The following DDR2 variants were observed in gnomAD, a reference collection of about 807,000 sequenced individuals.
DDR2 encodes the protein discoidin domain receptor tyrosine kinase 2.
Under a neutral mutation model 94.9 loss-of-function variants are expected in DDR2, and 27 were observed. The observed-to-expected ratio is 0.28, with a 90% CI of 0.21 to 0.39. DDR2 has a LOEUF of 0.39. Ranked by LOEUF, DDR2 falls within the 10% of genes least tolerant of loss-of-function variation. DDR2 has a pLI of 1.00. For missense variants in DDR2, 783 were observed against 1,076.0 expected, an observed-to-expected ratio of 0.73 and a Z score of 3.81; for synonymous variants, 382 against 377.2, an observed-to-expected ratio of 1.01 and a Z score of -0.15.
chr1:162,644,602 CTTT>C (rs11320844), intron 1 of DDR2, among the ~76,000 whole-genome samples: 13 of 140,474 alleles, frequency 9.3e-5, no homozygotes, highest in Admixed American at 1.4e-4. Context: ...CATTATTTAC[CTTT>C]TTTTTTTTTT....
intron 1 of DDR2, among the ~76,000 whole-genome samples, chr1:162,639,626 C>A (rs1215907146): frequency 1.3e-5 from 2 of 152,196 alleles, no homozygotes; most frequent in Non-Finnish European, 2.9e-5. Flanking sequence ...TGAAAGAAAT[C>A]CCTGATTAGC....
rs79775216 is a variant in DDR2 at position 162,650,023 on chromosome 1, T to C, written c.-191-5188T>C. Among the ~76,000 whole-genome samples the C allele has an allele frequency of 1.9e-3, 284 of 152,294 alleles. 4 individuals carry two copies. In the East Asian group the frequency reaches 0.042, roughly 23 times the overall value. ...GAAGGTAAAGGAAACACAGCTATTCTCCTCTCACCCACCCCATGCAGATGA... is the reference window on the plus strand; with the variant it reads ...GAAGGTAAAGGAAACACAGCTATTCCCCTCTCACCCACCCCATGCAGATGA... On this transcript the variant is annotated intron_variant, in intron 1 of 17. Coordinates refer to ENST00000367921, the MANE Select transcript of DDR2 (RefSeq NM_006182.4).
chr1:162,684,398 C>T (rs542202100), intron 2 of DDR2, among the ~76,000 whole-genome samples: 104 of 152,138 alleles, frequency 6.8e-4, no homozygotes, highest in African/African-American at 2.3e-3. Context: ...ACCATGAGGC[C>T]CTGACTCCGC....
chr1:162,763,205 G>T (rs1663828708), intron 9 of DDR2, among the ~76,000 whole-genome samples: 1 of 148,946 alleles, frequency 6.7e-6, no homozygotes, highest in Admixed American at 6.7e-5. Context: ...TTTTGAGACG[G>T]TATCTTGCTC....
chr1:162,700,157 C>T (rs1223942406), intron 2 of DDR2, among the ~76,000 whole-genome samples: 1 of 152,212 alleles, frequency 6.6e-6, no homozygotes, highest in African/African-American at 2.4e-5. Flanking sequence ...CTATCTCTCA[C>T]CATTTCTTCT....
intron 2 of DDR2, among the ~76,000 whole-genome samples, chr1:162,691,535 A>G (rs1028474544): frequency 6.6e-6 from 1 of 152,224 alleles, no homozygotes; most frequent in African/African-American, 2.4e-5. Context: ...TTCAACAAAC[A>G]TTGATGCAAA....
At chr1:162,740,593 GC>G (rs1269289746) in intron 3 of DDR2, among the ~76,000 whole-genome samples, 7 of 152,082 alleles carry the variant, frequency 4.6e-5, no homozygotes, top group Non-Finnish European at 1.0e-4. Context: ...ATAAAAGAAT[GC>G]CTATTCCTTT....
intron 3 of DDR2, among the ~76,000 whole-genome samples, chr1:162,730,824 C>CCA (rs752073520): frequency 3.3e-5 from 5 of 152,188 alleles, no homozygotes; most frequent in Non-Finnish European, 7.3e-5. Flanking sequence ...CCACACAGCC[C>CCA]CAGCATTTGG....
intron 2 of DDR2, among the ~76,000 whole-genome samples, chr1:162,688,215 A>C (rs1404805022): frequency 6.6e-6 from 1 of 152,196 alleles, no homozygotes; most frequent in African/African-American, 2.4e-5. Flanking sequence ...ACAAGGACAC[A>C]ACTTCATGTT....
chr1:162,651,027 C>T (rs2101902436), intron 1 of DDR2, among the ~76,000 whole-genome samples: 1 of 152,260 alleles, frequency 6.6e-6, no homozygotes, highest in South Asian at 2.1e-4. Flanking sequence ...CCGCACCCAG[C>T]CCCTCTCCAC....
At chr1:162,688,834 A>G (rs1162261487) in intron 2 of DDR2, among the ~76,000 whole-genome samples, 1 of 152,152 alleles carries the variant, frequency 6.6e-6, no homozygotes, top group Non-Finnish European at 1.5e-5. Context: ...CTCAGCTCCC[A>G]GTGTGTCCCT....
At chr1:162,712,903 T>C (rs1013337358) in intron 2 of DDR2, among the ~76,000 whole-genome samples, 1 of 152,158 alleles carries the variant, frequency 6.6e-6, no homozygotes, top group Non-Finnish European at 1.5e-5. Context: ...TGCAAGATCC[T>C]TGACCTTCAA....
At chr1:162,728,862 C>T (rs1661854864) in intron 3 of DDR2, among the ~76,000 whole-genome samples, 1 of 152,100 alleles carries the variant, frequency 6.6e-6, no homozygotes, top group South Asian at 2.1e-4. Context: ...AGTTCCAGCT[C>T]TGTCACTATC....
At chr1:162,697,412 A>G (rs993028146) in intron 2 of DDR2, among the ~76,000 whole-genome samples, 3 of 152,214 alleles carry the variant, frequency 2.0e-5, no homozygotes, top group African/African-American at 7.2e-5. Context: ...GAAGTGTCCC[A>G]ACAAATGTCG....
chr1:162,769,777 T>C (rs2102179309), intron 11 of DDR2, among the ~76,000 whole-genome samples: 1 of 152,362 alleles, frequency 6.6e-6, no homozygotes, highest in Non-Finnish European at 1.5e-5. Context: ...TGTCCCATGT[T>C]GTAGCCATTT....
At chr1:162,643,545 G>A (rs1289195864) in intron 1 of DDR2, among the ~76,000 whole-genome samples, 1 of 151,986 alleles carries the variant, frequency 6.6e-6, no homozygotes, top group Non-Finnish European at 1.5e-5. Flanking sequence ...GCAGAGGCTC[G>A]GTCTTGGCTC....
intron 3 of DDR2, among the ~76,000 whole-genome samples, chr1:162,726,654 C>A (rs755389770): frequency 3.3e-5 from 5 of 152,096 alleles, no homozygotes; most frequent in Non-Finnish European, 5.9e-5. Flanking sequence ...TCATGGGACT[C>A]CAGGAAGAGC....
intron 13 of DDR2, 32 bp from the exon 14 acceptor site, chr1:162,773,437 G>A (rs778143162): frequency 3.1e-6 from 5 of 1,611,784 alleles, no homozygotes; most frequent in South Asian, 1.1e-5. Flanking sequence ...CAGGAGAAAT[G>A]ATGATGCTGA....
chr1:162,770,867 A>G, intron 12 of DDR2: 1 of 327,104 alleles, frequency 3.1e-6, no homozygotes, highest in Non-Finnish European at 5.9e-6. Flanking sequence ...TACTCACCCA[A>G]CACCAAATTT....
Sources: gnomAD v4.1 joint callset for allele counts (sites outside exome capture counted in the v4.1 genomes callset) on GRCh38, gnomAD v4.1.1 for gene constraint, MANE v1.5 for transcripts, NCBI Gene and HGNC (gene_info 2026-07-23, HGNC 2026-07-21) for gene names.